Variants in NSD3 observed in about 807,000 individuals in gnomAD.
The protein encoded by NSD3 is nuclear receptor binding SET domain protein 3.
A neutral mutation model predicts 160.8 loss-of-function variants in NSD3; 24 were observed. The ratio of observed to expected loss-of-function variants is 0.15; its 90% CI spans 0.11 to 0.21. The LOEUF (loss-of-function observed/expected upper bound fraction) is 0.21. Among genes scored for constraint, NSD3 ranks in the 10% least tolerant of loss-of-function variants. The pLI is 1.00. For missense variants in NSD3, 1,157 were observed against 1,735.9 expected (o/e 0.67, Z 5.93); for synonymous variants, 520 against 600.0 (o/e 0.87, Z 1.95).
intron 1 of NSD3, among the ~76,000 whole-genome samples, chr8:38,356,304 A>AG (rs1810822124): frequency 2.0e-5 from 3 of 152,348 alleles, no homozygotes; most frequent in African/African-American, 7.2e-5. Context: ...TCAAAGCTTT[A>AG]GTGCTCTTAT....
At chr8:38,349,588 A>T (rs775633390) in intron 1 of NSD3, among the ~76,000 whole-genome samples, 7 of 150,198 alleles carry the variant, frequency 4.7e-5, no homozygotes, top group Non-Finnish European at 8.9e-5. Context: ...TACTATGTCA[A>T]TGAACTCTCA....
chr8:38,345,206 T>TGAGAGG (rs775223513), intron 2 of NSD3, among the ~76,000 whole-genome samples: 9 of 135,774 alleles, frequency 6.6e-5, no homozygotes, highest in Admixed American at 3.3e-4. Flanking sequence ...AAAGAAGGGG[T>TGAGAGG]GAGAGGGAGA....
intron 4 of NSD3, 131 bp from the exon 5 acceptor site, chr8:38,331,716 A>G: frequency 1.2e-6 from 1 of 863,846 alleles, no homozygotes; most frequent in South Asian, 2.0e-5. Flanking sequence ...TTGTCCAAAG[A>G]TATGTTCCAA....
At position 38,276,460 on chromosome 8, in the gene NSD3, G is replaced by C; in HGVS notation, c.3908C>G (p.Ala1303Gly). Residue 1303 changes from alanine to glycine, a missense_variant, in exon 23 of 24, where the codon GCT becomes GGT. Coordinates refer to ENST00000317025, the MANE Select transcript of NSD3 (RefSeq NM_023034.2). ...CTTTCGTCTCTTCTGTTTTAACTTAGCATTTTTTGCCTTCTCTTCATTTGT... is the reference window on the plus strand; with the variant it reads ...CTTTCGTCTCTTCTGTTTTAACTTACCATTTTTTGCCTTCTCTTCATTTGT... Reference protein sequence around the residue: ...ASTNEEKAKNAKLKQKRRKIK... With the variant: ...ASTNEEKAKNGKLKQKRRKIK... 6.2e-7 allele frequency: 1 copy of C among 1,614,160 alleles called. No homozygotes were observed. The highest frequency in any genetic ancestry group is 8.5e-7 in the Non-Finnish European group (1 of 1,180,034).
intron 19 of NSD3, among the ~76,000 whole-genome samples, chr8:38,287,265 G>C (rs1808883585): frequency 6.6e-6 from 1 of 152,066 alleles, no homozygotes; most frequent in African/African-American, 2.4e-5. Flanking sequence ...TGGGGAAATA[G>C]GTTATTTATT....
At chr8:38,349,695 ATT>A (rs1563364561) in intron 1 of NSD3, among the ~76,000 whole-genome samples, 17 of 136,462 alleles carry the variant, frequency 1.2e-4, no homozygotes, top group African/African-American at 4.1e-4. Context: ...ATATATATGT[ATT>A]TATTATACTT....
intron 20 of NSD3, chr8:38,279,929 G>C: frequency 2.3e-6 from 1 of 428,128 alleles, no homozygotes; most frequent in Admixed American, 3.7e-5. Flanking sequence ...GAAACAAATA[G>C]ACCATGGAAT....
chr8:38,281,838 C>G (rs1021767956), intron 19 of NSD3, among the ~76,000 whole-genome samples: 9 of 152,142 alleles, frequency 5.9e-5, no homozygotes, highest in African/African-American at 2.2e-4. Flanking sequence ...ACATGTGGGG[C>G]ATTGCTGGGA....
chr8:38,307,138 AT>A (rs1563349443), intron 12 of NSD3, among the ~76,000 whole-genome samples: 5 of 148,652 alleles, frequency 3.4e-5, no homozygotes, highest in East Asian at 2.0e-4. Context: ...ATAAAATAAA[AT>A]AAATAAATAA....
At chr8:38,377,090 CCTACCAGA>C (rs1811409654) in intron 1 of NSD3, among the ~76,000 whole-genome samples, 1 of 151,932 alleles carries the variant, frequency 6.6e-6, no homozygotes, top group Non-Finnish European at 1.5e-5. Context: ...TCTCGCTTTG[CCTACCAGA>C]CTGGAGCGCA....
At chr8:38,367,486 C>T (rs1156469955) in intron 1 of NSD3, among the ~76,000 whole-genome samples, 1 of 151,998 alleles carries the variant, frequency 6.6e-6, no homozygotes, top group Non-Finnish European at 1.5e-5. Flanking sequence ...CCGAGGCAGG[C>T]AGATCACTTG....
At chr8:38,323,085 C>T (rs1809829088) in intron 7 of NSD3, among the ~76,000 whole-genome samples, 1 of 152,154 alleles carries the variant, frequency 6.6e-6, no homozygotes, top group Admixed American at 6.5e-5. Context: ...GACGGAGTCT[C>T]TCCCTGTCAC....
intron 12 of NSD3, among the ~76,000 whole-genome samples, chr8:38,306,720 G>A (rs949210224): frequency 2.0e-5 from 3 of 152,146 alleles, no homozygotes; most frequent in Non-Finnish European, 4.4e-5. Context: ...GGCAGAGGAT[G>A]TAAATGGGCA....
At chr8:38,291,475 A>G (rs1167154814) in intron 16 of NSD3, among the ~76,000 whole-genome samples, 2 of 152,204 alleles carry the variant, frequency 1.3e-5, no homozygotes, top group African/African-American at 2.4e-5. Flanking sequence ...ATGCTTAATA[A>G]AACAATTTTT....
chr8:38,314,952 T>C (rs529103502), intron 11 of NSD3, among the ~76,000 whole-genome samples, 179 bp from the exon 12 acceptor site: 2 of 152,328 alleles, frequency 1.3e-5, no homozygotes, highest in Non-Finnish European at 2.9e-5. Flanking sequence ...ATATTGTTTG[T>C]CCTTGGCCTT....
chr8:38,274,015 AT>A lies in NSD3; in HGVS notation c.*1625del, dbSNP rs1808543997. 6.6e-6 allele frequency: 1 copy of A among 152,214 alleles called. No homozygotes were observed. 9.4% of individuals were successfully genotyped at this position (152,214 alleles called of 1,614,324 possible). On this transcript the variant is annotated 3_prime_UTR_variant, in exon 24 of 24. Transcript: ENST00000317025. ...AGAAGAGCTCTAAATTGATAAGCAA[AT>A]GGAACACTCAATACAGCTGAAGGAA...
At position 38,288,896 on chromosome 8, in the gene NSD3, A is replaced by AT. The variant is rs1808930034; in HGVS notation, c.3232-141dup. 9.6e-7 allele frequency: 1 copy of AT among 1,040,632 alleles called. No homozygotes were observed. The highest frequency in any genetic ancestry group is 1.4e-6 in the Non-Finnish European group (1 of 734,144). 64.5% of individuals were successfully genotyped at this position (1,040,632 alleles called of 1,614,324 possible). A position where few individuals can be genotyped will look rare whatever the true frequency, so the allele number is the denominator to read the frequency against. On this transcript the variant is annotated intron_variant, in intron 18 of 23. Coordinates refer to ENST00000317025, the MANE Select transcript of NSD3 (RefSeq NM_023034.2). The surrounding 1 kb of genome is among the most constrained non-coding windows in gnomAD (Gnocchi z 4.5). ...TGTCTTTCCTGATGAATAAGCTGAGATTAATAACCATCTCTTTTGTCATTT... is the reference window on the plus strand; with the variant it reads ...TGTCTTTCCTGATGAATAAGCTGAGATTTAATAACCATCTCTTTTGTCATTT...
At chr8:38,306,642 T>C (rs1809399926) in intron 12 of NSD3, among the ~76,000 whole-genome samples, 1 of 152,006 alleles carries the variant, frequency 6.6e-6, no homozygotes, top group East Asian at 1.9e-4. Context: ...TAAGCAAAGA[T>C]AATGGAATAA....
chr8:38,307,139 T>A (rs907702315), intron 12 of NSD3, among the ~76,000 whole-genome samples: 181 of 144,566 alleles, frequency 1.3e-3, no homozygotes, highest in Admixed American at 1.9e-3. Context: ...TAAAATAAAA[T>A]AAATAAATAA....
Sources: allele counts gnomAD v4.1 joint callset (sites outside exome capture counted in the v4.1 genomes callset), GRCh38; gene constraint gnomAD v4.1.1; non-coding constraint Gnocchi (gnomAD v3.1); transcripts MANE v1.5; gene names NCBI Gene and HGNC (gene_info 2026-07-23, HGNC 2026-07-21).